The following ADAMTS14 variants were observed in gnomAD, a reference collection of about 807,000 sequenced individuals.
ADAMTS14 encodes ADAM metallopeptidase with thrombospondin type 1 motif 14.
In ADAMTS14, 100 loss-of-function variants were observed where a neutral mutation model predicts 128.6. The ratio of observed to expected loss-of-function variants is 0.78; its 90% CI spans 0.66 to 0.92. The LOEUF (loss-of-function observed/expected upper bound fraction) is 0.92, where lower values mean the gene tolerates loss of function less well. Among genes scored for constraint, ADAMTS14 ranks in the 40% least tolerant of loss-of-function variants. The pLI is 0.00. For synonymous variants in ADAMTS14, 665 were observed against 653.8 expected (o/e 1.02, Z -0.26); for missense variants, 1,562 against 1,658.6 (o/e 0.94, Z 1.01).
At chr10:70,696,773 G>A (rs1489469042) in intron 2 of ADAMTS14, among the ~76,000 whole-genome samples, 3 of 152,146 alleles carry the variant, frequency 2.0e-5, no homozygotes, top group South Asian at 2.1e-4. Flanking sequence ...AGCCACCTGC[G>A]GTCGAGGTTT....
chr10:70,717,330 G>T (rs1194751007), intron 4 of ADAMTS14, among the ~76,000 whole-genome samples: 1 of 152,118 alleles, frequency 6.6e-6, no homozygotes, highest in Non-Finnish European at 1.5e-5. Context: ...AGCCTGCCCT[G>T]GGGGAGAGGG....
At position 70,718,442 on chromosome 10, in the gene ADAMTS14, C is replaced by T. The variant is rs187836745; in HGVS notation, c.870+9664C>T. Among the ~76,000 whole-genome samples the T allele has an allele frequency of 5.5e-4, 83 of 152,160 alleles. 1 individual carries two copies. In the East Asian group the frequency reaches 5.8e-3, roughly 11 times the overall value. On this transcript the variant is annotated intron_variant, in intron 4 of 21. Transcript: ENST00000373207. ...TTTCACTGTTGCCCAGGCTGGAGTGCAGTGGTGCGATCTCGGCTCACTGCA... is the reference window on the plus strand; with the variant it reads ...TTTCACTGTTGCCCAGGCTGGAGTGTAGTGGTGCGATCTCGGCTCACTGCA...
chr10:70,742,114 C>T (rs1356840192), intron 12 of ADAMTS14, among the ~76,000 whole-genome samples: 3 of 152,196 alleles, frequency 2.0e-5, no homozygotes, highest in African/African-American at 4.8e-5. Flanking sequence ...CTGTCATTGC[C>T]AGATTCTTCC....
At chr10:70,752,252 G>A (rs1295992201) in intron 18 of ADAMTS14, 25 bp downstream of exon 18, 1 of 1,611,888 alleles carries the variant, frequency 6.2e-7, no homozygotes, top group Admixed American at 1.7e-5. Flanking sequence ...GGAGGGACGG[G>A]GAGTCTGGTT....
At position 70,733,995 on chromosome 10, in the gene ADAMTS14, G is replaced by A. The variant is rs1841738866; in HGVS notation, c.1319G>A (p.Arg440His). The A allele has an allele frequency of 5.6e-6, 9 of 1,613,624 alleles. No individual in the cohort carries two copies. Among genetic ancestry groups the A allele is most frequent in the Non-Finnish European group, 6.8e-6 (8 of 1,179,976 alleles). ...QAAFHRFHWSRCSKLELSRYL... is the reference protein window; with the variant it reads ...QAAFHRFHWSHCSKLELSRYL... The stretch of plus-strand genomic sequence containing the variant: ...GCCTTCCACCGCTTCCATTGGTCCC[G>A]CTGCAGCAAGCTGGAGCTCAGCCGC... The change falls in exon 8 of 22, where the codon CGC becomes CAC. Residue 440 changes from arginine to histidine, a missense_variant. Transcript: ENST00000373207.
intron 19 of ADAMTS14, among the ~76,000 whole-genome samples, chr10:70,756,772 G>A (rs1198467167): frequency 6.6e-6 from 1 of 152,210 alleles, no homozygotes; most frequent in Non-Finnish European, 1.5e-5. Flanking sequence ...ACATCAGCCT[G>A]TTTCAGCAGC....
At chr10:70,679,710 GA>G (rs1326840913) in intron 2 of ADAMTS14, among the ~76,000 whole-genome samples, 1 of 152,254 alleles carries the variant, frequency 6.6e-6, no homozygotes, top group African/African-American at 2.4e-5. Flanking sequence ...GTGCCTCTGT[GA>G]GTCAGGGCCT....
intron 2 of ADAMTS14, among the ~76,000 whole-genome samples, chr10:70,685,747 T>G (rs1361404340): frequency 1.3e-5 from 2 of 152,206 alleles, no homozygotes; most frequent in African/African-American, 4.8e-5. Flanking sequence ...AACTGTGTGC[T>G]GTCCCGTGAT....
At position 70,760,536 on chromosome 10, in the gene ADAMTS14, A is replaced by G. The variant is rs377697066; in HGVS notation, c.3355A>G (p.Ser1119Gly). The G allele has an allele frequency of 9.9e-6, 16 of 1,613,338 alleles. No homozygotes were observed. Among genetic ancestry groups the G allele is most frequent in the Non-Finnish European group, 1.4e-5 (16 of 1,179,770 alleles). Reference sequence around the variant, plus strand: ...ACTGCCCCCCTTCTCCACTCCTGGAAGCCCCTTACCAGGACCCCAGGACCC... The same window carrying G: ...ACTGCCCCCCTTCTCCACTCCTGGAGGCCCCTTACCAGGACCCCAGGACCC... Reference protein sequence around the residue: ...TSLPPFSTPGSPLPGPQDPAD... With the variant: ...TSLPPFSTPGGPLPGPQDPAD... Residue 1119 changes from serine to glycine, a missense_variant, in exon 22 of 22, where the codon AGC becomes GGC. Physicochemically the swap from Ser to Gly is moderately conservative, Grantham distance 56. Coordinates refer to ENST00000373207, the MANE Select transcript of ADAMTS14 (RefSeq NM_080722.4).
At chr10:70,689,842 G>A (rs1840134328) in intron 2 of ADAMTS14, among the ~76,000 whole-genome samples, 1 of 144,934 alleles carries the variant, frequency 6.9e-6, no homozygotes, top group Non-Finnish European at 1.6e-5. Context: ...TCCTCCCCAG[G>A]GACTGCCAGG....
intron 15 of ADAMTS14, 78 bp from the exon 16 acceptor site, chr10:70,749,744 C>G: frequency 6.6e-7 from 1 of 1,520,096 alleles, no homozygotes. Flanking sequence ...ACTGGGAAGG[C>G]CTTGAATTTC....
intron 4 of ADAMTS14, among the ~76,000 whole-genome samples, chr10:70,715,169 A>G (rs930868497): frequency 2.0e-5 from 3 of 152,128 alleles, no homozygotes; most frequent in Non-Finnish European, 4.4e-5. Context: ...GATTTCTGAC[A>G]ACCTCTTTTC....
At chr10:70,704,997 CT>C (rs1194190283) in intron 3 of ADAMTS14, among the ~76,000 whole-genome samples, 1 of 151,590 alleles carries the variant, frequency 6.6e-6, no homozygotes, top group African/African-American at 2.4e-5. Flanking sequence ...CTGACACCCC[CT>C]ACATACTCAC....
chr10:70,751,527 A>G lies in ADAMTS14; in HGVS notation c.2477A>G (p.Tyr826Cys). The G allele has an allele frequency of 6.2e-7, 1 of 1,613,110 alleles. No homozygotes were observed. The highest frequency in any genetic ancestry group is 8.5e-7 in the Non-Finnish European group (1 of 1,179,274). ...CCCCGCAGCAGCCTGGCCTACAAGT[A>G]CGTCATCCATGAGGACCTGCTGCCC... Reference protein sequence around the residue: ...GGPRSSLAYKYVIHEDLLPLI... With the variant: ...GGPRSSLAYKCVIHEDLLPLI... The change falls in exon 17 of 22, where the codon TAC (tyrosine) becomes TGC (cysteine). Residue 826 changes from tyrosine to cysteine, a missense_variant. Transcript: ENST00000373207.
In ADAMTS14 at chr10:70,741,296, T is replaced by G. The variant is rs899755969; in HGVS notation, c.1924+134T>G. On this transcript the variant is annotated intron_variant, in intron 12 of 21. Transcript: ENST00000373207. ...ACAGTGGGGGTGCCAAAAGGGACAC[T>G]GAAGTCAGCGGGCTCACCATATACC... The G allele has an allele frequency of 1.7e-5, 19 of 1,095,296 alleles. 1 individual carries two copies. In the South Asian group the frequency reaches 2.6e-4, roughly 15 times the overall value. The allele number at this position is 1,095,296 out of a possible 1,614,324, so 67.8% of individuals were successfully genotyped here.
chr10:70,708,821 G>C, intron 4 of ADAMTS14, 43 bp downstream of exon 4: 10 of 1,332,492 alleles, frequency 7.5e-6, no homozygotes, highest in Non-Finnish European at 1.0e-5. Flanking sequence ...AGTGGGGTGG[G>C]GTGGGCCCCA....
At chr10:70,701,018 C>A (rs1414801387) in intron 2 of ADAMTS14, among the ~76,000 whole-genome samples, 2 of 152,318 alleles carry the variant, frequency 1.3e-5, no homozygotes, top group East Asian at 3.9e-4. Context: ...GGGAACATTT[C>A]TTGGCCTCCT....
intron 6 of ADAMTS14, 49 bp downstream of exon 6, chr10:70,730,298 G>A (rs374257556): frequency 1.5e-5 from 24 of 1,575,004 alleles, no homozygotes; most frequent in African/African-American, 1.5e-4. Flanking sequence ...CAGCATGCAC[G>A]GCAGACAGAG....
At chr10:70,686,124 T>C (rs1839943783) in intron 2 of ADAMTS14, among the ~76,000 whole-genome samples, 1 of 152,220 alleles carries the variant, frequency 6.6e-6, no homozygotes, top group African/African-American at 2.4e-5. Context: ...AGTCTAATTT[T>C]CTTCTGCTTT....
Sources: gnomAD v4.1 joint callset for allele counts (sites outside exome capture counted in the v4.1 genomes callset) on GRCh38, gnomAD v4.1.1 for gene constraint, MANE v1.5 for transcripts, NCBI Gene and HGNC (gene_info 2026-07-23, HGNC 2026-07-21) for gene names.